The following ATXN7L2 variants were observed in gnomAD, a reference collection of about 807,000 sequenced individuals.
ATXN7L2 encodes ataxin 7 like 2.
Under a neutral mutation model 59.6 loss-of-function variants are expected in ATXN7L2, and 17 were observed. The observed-to-expected ratio is 0.29, with a 90% confidence interval of 0.20 to 0.43. The LOEUF is 0.43. ATXN7L2 is among the 20% of genes least tolerant of loss of function. The probability of loss-of-function intolerance (pLI) is 1.00; values close to 1 mark genes in which losing one functional copy is unlikely to be tolerated. For missense variants in ATXN7L2, 858 were observed against 1,008.9 expected, an observed-to-expected ratio of 0.85 and a Z score of 2.03; for synonymous variants, 378 against 392.5, an observed-to-expected ratio of 0.96 and a Z score of 0.44.
In ATXN7L2 at chr1:109,491,046, C is replaced by T. The variant is rs1149172; in HGVS notation, c.1579C>T (p.Pro527Ser). The T allele has an allele frequency of 5.6e-3, 9,012 of 1,613,744 alleles. 398 individuals are homozygous for T. In the African/African-American group the frequency reaches 0.1, roughly 18 times the overall value. The change falls in exon 10 of 11, where the codon CCA becomes TCA. Residue 527 changes from proline to serine, a missense_variant. Pro to Ser is a moderately conservative substitution (Grantham distance 74). Coordinates refer to ENST00000683729, the MANE Select transcript of ATXN7L2 (RefSeq NM_001350175.2). This position sits in a 1 kb window ranked among gnomAD's most constrained non-coding sequence, Gnocchi z 4.1. ...LPGPTLRPAC[P>S]ASMPPTKDNL... ...AGGTCCAACCCTGAGACCTGCCTGC[C>T]CAGCCTCCATGCCCCCCACCAAGGA... is the stretch of plus-strand genomic sequence containing the variant.
chr1:109,487,628 T>G lies in ATXN7L2; in HGVS notation c.620T>G (p.Leu207Arg), dbSNP rs765000245. 1.1e-5 allele frequency: 17 copies of G among 1,601,204 alleles called. No homozygotes were observed. The Admixed American group carries it at 2.9e-4, about 28-fold the overall frequency. ...GCTTTTCTCAGCCAGCCAGGGGGCC[T>G]CACCAAGGACTCCCCTGGAAAACCT... The part of the protein sequence containing the change: ...PSAFLSQPGG[L>R]TKDSPGKPPM... Residue 207 changes from leucine (L) to arginine (R), a missense_variant, in exon 5 of 11, where the codon CTC becomes CGC. Physicochemically the swap from Leu to Arg is moderately radical, Grantham distance 102. Coordinates refer to ENST00000683729, the MANE Select transcript of ATXN7L2 (RefSeq NM_001350175.2).
chr1:109,485,400 C>T, intron 1 of ATXN7L2: 3 of 985,442 alleles, frequency 3.0e-6, no homozygotes, highest in Non-Finnish European at 3.6e-6. Context: ...CATAGCTGAC[C>T]AAGGAGACTT....
rs1400875384 is a variant in ATXN7L2, at chr1:109,486,659, A to G, written c.298+49A>G. 2.0e-6 allele frequency: 3 copies of G among 1,504,990 alleles called. No homozygotes were observed. The highest frequency in any genetic ancestry group is 2.3e-5 in the East Asian group (1 of 44,018). The allele number at this position is 1,504,990 out of a possible 1,614,324, so 93.2% of individuals were successfully genotyped here. ...ATAAAGGGACAGGGGAAGGTGGAGC[A>G]TGGAACTCTGAGGACAGGGTCAGTT... is the stretch of plus-strand genomic sequence containing the variant. On this transcript the variant is annotated intron_variant, in intron 3 of 10. Coordinates refer to ENST00000683729, the MANE Select transcript of ATXN7L2 (RefSeq NM_001350175.2). The surrounding 1 kb of genome is among the most constrained non-coding windows in gnomAD (Gnocchi z 4.3).
At position 109,491,662 on chromosome 1, in the gene ATXN7L2, G is replaced by T; in HGVS notation, c.2195G>T (p.Arg732Leu). Residue 732 changes from arginine to leucine, a missense_variant, in exon 10 of 11, where the codon CGC (arginine) becomes CTC (leucine). By Grantham distance (102) the Arg-to-Leu change is moderately radical. Around this residue, in one of 3 missense-constraint regions of ATXN7L2, gnomAD observed 734 missense variants for 862.3 expected, o/e 0.85. Transcript: ENST00000683729. The surrounding 1 kb of genome is among the most constrained non-coding windows in gnomAD (Gnocchi z 4.1). The part of the protein sequence containing the change: ...GAPADVACSV[R>L]RKKPGPALAF... ...CCTGCTGATGTGGCCTGCTCTGTGC[G>T]CCGCAAGAAGCCAGGCCCGGCCCTG... 1.2e-6 allele frequency: 2 copies of T among 1,610,962 alleles called. No homozygotes were observed. The highest frequency in any genetic ancestry group is 1.7e-6 in the Non-Finnish European group (2 of 1,178,600).
Position 109,491,114 on chromosome 1 carries a change from G to A in ATXN7L2, c.1647G>A (p.Ala549=), listed in dbSNP as rs200755321. Reference sequence around the variant, plus strand: ...ACCCTGCAGGCTCCCCCAGCGTGGCGGCTGCCTGTAGCCAGGCAGAGTGCA... The same window carrying A: ...ACCCTGCAGGCTCCCCCAGCGTGGCAGCTGCCTGTAGCCAGGCAGAGTGCA... The part of the protein sequence containing the change: ...PSYPAGSPSV[A]AACSQAECMG... The change falls in exon 10 of 11, where the codon GCG becomes GCA. Residue 549 remains alanine (A), a synonymous_variant. Coordinates refer to ENST00000683729, the MANE Select transcript of ATXN7L2 (RefSeq NM_001350175.2). The surrounding 1 kb of genome is among the most constrained non-coding windows in gnomAD (Gnocchi z 4.1). The A allele has an allele frequency of 1.5e-4, 239 of 1,613,126 alleles. No individual in the cohort carries two copies. The highest frequency in any genetic ancestry group is 1.9e-4 in the Non-Finnish European group (220 of 1,179,824).
intron 9 of ATXN7L2, 57 bp from the exon 10 acceptor site, chr1:109,490,865 T>C (rs1656994316): frequency 6.6e-7 from 1 of 1,510,780 alleles, no homozygotes; most frequent in Non-Finnish European, 8.9e-7. Context: ...GTGTCTTGTG[T>C]TGGGGGAAGC....
intron 1 of ATXN7L2, among the ~76,000 whole-genome samples, chr1:109,484,610 G>C (rs1010640589): frequency 6.6e-6 from 1 of 151,910 alleles, no homozygotes; most frequent in Non-Finnish European, 1.5e-5. Context: ...TCCATCCTTC[G>C]GTCCATCCAT....
chr1:109,486,258 C>T lies in ATXN7L2; in HGVS notation c.193+136C>T, dbSNP rs60300984. The T allele has an allele frequency of 1.0e-3, 1,378 of 1,353,514 alleles. 12 individuals are homozygous for T. In the African/African-American group the frequency reaches 0.017, roughly 17 times the overall value. The allele number at this position is 1,353,514 out of a possible 1,614,324, so 83.8% of individuals were successfully genotyped here. A position where few individuals can be genotyped will look rare whatever the true frequency, so the allele number is the denominator to read the frequency against. On this transcript the variant is annotated intron_variant, in intron 2 of 10. Transcript: ENST00000683729. This position sits in a 1 kb window ranked among gnomAD's most constrained non-coding sequence, Gnocchi z 4.3. The stretch of plus-strand genomic sequence containing the variant: ...CTCATTTTGATAGGTCCGAGTCGGC[C>T]GGTTGTTCTGGCTCCTGTGACCTGT...
Position 109,491,061 on chromosome 1 carries a change from C to G in ATXN7L2, c.1594C>G (p.Pro532Ala). The G allele has an allele frequency of 6.2e-7, 1 of 1,613,750 alleles. No individual in the cohort carries two copies. Among genetic ancestry groups the G allele is most frequent in the Non-Finnish European group, 8.5e-7 (1 of 1,180,016 alleles). Reference protein sequence around the residue: ...LRPACPASMPPTKDNLVPSYP... With the variant: ...LRPACPASMPATKDNLVPSYP... ...ACCTGCCTGCCCAGCCTCCATGCCC[C>G]CCACCAAGGACAACCTTGTCCCCAG... The change falls in exon 10 of 11, where the codon CCC (proline) becomes GCC (alanine). Residue 532 changes from proline to alanine, a missense_variant. Around this residue, in one of 3 missense-constraint regions of ATXN7L2, gnomAD observed 734 missense variants for 862.3 expected, o/e 0.85. Coordinates refer to ENST00000683729, the MANE Select transcript of ATXN7L2 (RefSeq NM_001350175.2). The surrounding 1 kb of genome is among the most constrained non-coding windows in gnomAD (Gnocchi z 4.1).
At position 109,488,936 on chromosome 1, in the gene ATXN7L2, A is replaced by G. The variant is rs1350517456; in HGVS notation, c.969A>G (p.Lys323=). The change falls in exon 7 of 11, where the codon AAA becomes AAG. Residue 323 remains lysine, a synonymous_variant. Coordinates refer to ENST00000683729, the MANE Select transcript of ATXN7L2 (RefSeq NM_001350175.2). The surrounding 1 kb of genome is among the most constrained non-coding windows in gnomAD (Gnocchi z 5.0). ...LVAELKANSR[K]GESPKEKSPG... is the part of the protein sequence containing the mutation. ...CAGAGCTGAAGGCCAACTCCCGCAAAGGGGAGTCTCCCAAGGAGAAGAGCC... is the reference window on the plus strand; with the variant it reads ...CAGAGCTGAAGGCCAACTCCCGCAAGGGGGAGTCTCCCAAGGAGAAGAGCC... The G allele has an allele frequency of 6.2e-7, 1 of 1,614,010 alleles. No individual in the cohort carries two copies. The highest frequency in any genetic ancestry group is 8.5e-7 in the Non-Finnish European group (1 of 1,180,030).
At chr1:109,490,758 G>A (rs866081745) in intron 9 of ATXN7L2, among the ~76,000 whole-genome samples, 164 bp from the exon 10 acceptor site, 1 of 152,172 alleles carries the variant, frequency 6.6e-6, no homozygotes, top group Non-Finnish European at 1.5e-5. Flanking sequence ...GCACCCCTGT[G>A]TCTTCTTCCT....
Position 109,490,949 on chromosome 1 carries a change from A to G in ATXN7L2, c.1482A>G (p.Pro494=). The G allele has an allele frequency of 6.4e-7, 1 of 1,570,072 alleles. No individual in the cohort carries two copies. Among genetic ancestry groups the G allele is most frequent in the Non-Finnish European group, 8.6e-7 (1 of 1,156,314 alleles). ...AGATCCCACCGGCAGCTGAACCTCC[A>G]GCTCACCTTGTCAACTCCCCGTTAT... The part of the protein sequence containing the change: ...WKKIPPAAEP[P]AHLVNSPLSA... Residue 494 remains proline, a synonymous_variant, in exon 10 of 11, where the codon CCA becomes CCG. Transcript: ENST00000683729.
At position 109,491,607 on chromosome 1, in the gene ATXN7L2, G is replaced by A. The variant is rs779803791; in HGVS notation, c.2140G>A (p.Val714Met). 1.2e-6 allele frequency: 2 copies of A among 1,613,744 alleles called. No homozygotes were observed. The highest frequency in any genetic ancestry group is 2.2e-5 in the South Asian group (2 of 91,070). ...AAACCTGGCCACTTATTGCCGGCCA[G>A]TGAAGGCCAAGCACTGTCAGGCTGG... ...RKNLATYCRP[V>M]KAKHCQAGAP... Residue 714 changes from valine (V) to methionine (M), a missense_variant, in exon 10 of 11, where the codon GTG becomes ATG. Physicochemically the swap from Val to Met is conservative, Grantham distance 21. Transcript: ENST00000683729. The surrounding 1 kb of genome is among the most constrained non-coding windows in gnomAD (Gnocchi z 4.1).
chr1:109,485,974 T>G, intron 1 of ATXN7L2, 83 bp from the exon 2 acceptor site: 1 of 1,428,744 alleles, frequency 7.0e-7, no homozygotes, highest in Non-Finnish European at 9.2e-7. Context: ...GGTTGTCTTC[T>G]GGGAAGAACA....
intron 1 of ATXN7L2, chr1:109,485,602 G>A (rs1370018694): frequency 2.0e-6 from 2 of 985,856 alleles, no homozygotes; most frequent in Non-Finnish European, 2.4e-6. Context: ...AGGACCCATC[G>A]AGAAATCTCA....
At position 109,484,093 on chromosome 1, in the gene ATXN7L2, AC is replaced by A; in HGVS notation, c.127+16del. The A allele has an allele frequency of 1.3e-6, 2 of 1,503,178 alleles. No individual in the cohort carries two copies. The highest frequency in any genetic ancestry group is 1.8e-6 in the Non-Finnish European group (2 of 1,121,146). 93.1% of individuals were successfully genotyped at this position (1,503,178 alleles called of 1,614,324 possible). A position where few individuals can be genotyped will look rare whatever the true frequency, so the allele number is the denominator to read the frequency against. On this transcript the variant is annotated intron_variant, in intron 1 of 10. Coordinates refer to ENST00000683729, the MANE Select transcript of ATXN7L2 (RefSeq NM_001350175.2). ...CCCGCGGCTGACGGTGAGTAAAGCC[AC>A]CCTAAAGTCCGGGGACCCCATCACT...
chr1:109,489,134 G>A, intron 7 of ATXN7L2, 34 bp downstream of exon 7: 1 of 1,590,196 alleles, frequency 6.3e-7, no homozygotes, highest in Non-Finnish European at 8.6e-7. Flanking sequence ...CCTCACCTGG[G>A]GGTACTTGGC....
Position 109,488,111 on chromosome 1 carries a change from C to A in ATXN7L2, c.797-272C>A, listed in dbSNP as rs1656732747. Among the ~76,000 whole-genome samples, 5 of 152,252 alleles carry A rather than the reference C, an allele frequency of 3.3e-5. No homozygotes were observed. The highest frequency in any genetic ancestry group is 1.2e-4 in the African/African-American group (5 of 41,466). ...GCTGGCTTCTCTGGCCTCCCAGATG[C>A]CCATGGCTGCTTTTGTTTCTTGATG... On this transcript the variant is annotated intron_variant, in intron 5 of 10. Coordinates refer to ENST00000683729, the MANE Select transcript of ATXN7L2 (RefSeq NM_001350175.2). The surrounding 1 kb of genome is among the most constrained non-coding windows in gnomAD (Gnocchi z 5.0).
In ATXN7L2 at chr1:109,484,071, G is replaced by A. The variant is rs1223359486; in HGVS notation, c.118G>A (p.Ala40Thr). 6.6e-6 allele frequency: 10 copies of A among 1,514,256 alleles called. No individual in the cohort carries two copies. Among genetic ancestry groups the A allele is most frequent in the South Asian group, 1.2e-5 (1 of 81,594 alleles). 93.8% of individuals were successfully genotyped at this position (1,514,256 alleles called of 1,614,324 possible). A position where few individuals can be genotyped will look rare whatever the true frequency, so the allele number is the denominator to read the frequency against. ...GTGGGTGGAGCGGGCCGACCTGCCC[G>A]CGGCTGACGGTGAGTAAAGCCACCC... ...SSWVERADLP[A>T]ADGAELEESS... Residue 40 changes from alanine (A) to threonine (T), a missense_variant, in exon 1 of 11, where the codon GCG becomes ACG. Physicochemically the swap from Ala to Thr is moderately conservative, Grantham distance 58. This residue lies in a region of ATXN7L2 where 95 missense variants were observed against 82.6 expected (regional missense o/e 1.15). Coordinates refer to ENST00000683729, the MANE Select transcript of ATXN7L2 (RefSeq NM_001350175.2).
Sources: allele counts gnomAD v4.1 joint callset (sites outside exome capture counted in the v4.1 genomes callset), GRCh38; gene constraint gnomAD v4.1.1; regional missense constraint gnomAD v4.1.1; non-coding constraint Gnocchi (gnomAD v3.1); transcripts MANE v1.5; gene names NCBI Gene and HGNC (gene_info 2026-07-23, HGNC 2026-07-21).